TYW1B: variants seen among roughly 807,000 people sequenced by gnomAD.
TYW1B encodes tRNA-yW synthesizing protein 1 homolog B.
Under a neutral mutation model 86.9 loss-of-function variants are expected in TYW1B, and 73 were observed. The ratio of observed to expected loss-of-function variants is 0.84; its 90% CI spans 0.70 to 1.02. TYW1B has a LOEUF of 1.02. TYW1B is among the 50% of genes least tolerant of loss of function. TYW1B has a pLI of 0.00. For missense variants in TYW1B, 637 were observed against 827.4 expected, an observed-to-expected ratio of 0.77 and a Z score of 2.82; for synonymous variants, 248 against 292.8, an observed-to-expected ratio of 0.85 and a Z score of 1.56.
At position 72,679,543 on chromosome 7, in the gene TYW1B, C is replaced by CTAAAA. The variant is rs1461444086; in HGVS notation, c.1506+15143_1506+15144insTTTTA. On this transcript the variant is annotated intron_variant, in intron 11 of 13. Coordinates refer to ENST00000620995, the MANE Select transcript of TYW1B (RefSeq NM_001145440.3). ...TGCAGGGAGGAAGAAATGAGGGAGG[C>CTAAAA]TACTATTTAATGGGTATGAAGTTTC... Among the ~76,000 whole-genome samples the CTAAAA allele has an allele frequency of 9.9e-5, 15 of 152,132 alleles. No homozygotes were observed. In the East Asian group the frequency reaches 2.7e-3, roughly 27 times the overall value.
intron 12 of TYW1B, among the ~76,000 whole-genome samples, chr7:72,622,277 A>T (rs1437452433): frequency 2.0e-5 from 3 of 152,224 alleles, no homozygotes; most frequent in African/African-American, 7.2e-5. Flanking sequence ...AATATTTTAC[A>T]AGACTGGTAA....
chr7:72,633,691 T>C (rs1191255755), intron 11 of TYW1B, among the ~76,000 whole-genome samples: 1 of 152,102 alleles, frequency 6.6e-6, no homozygotes, highest in Admixed American at 6.6e-5. Context: ...GTGTTTGGTG[T>C]CTATCACTCA....
At chr7:72,596,563 T>C (rs1283265338) in intron 13 of TYW1B, among the ~76,000 whole-genome samples, 1 of 152,166 alleles carries the variant, frequency 6.6e-6, no homozygotes, top group Non-Finnish European at 1.5e-5. Context: ...ACAAATGGTG[T>C]TGGAAAAACA....
At chr7:72,771,433 C>T (rs2129571898) in intron 7 of TYW1B, among the ~76,000 whole-genome samples, 1 of 152,250 alleles carries the variant, frequency 6.6e-6, no homozygotes, top group Admixed American at 6.5e-5. Flanking sequence ...CTACATCTAT[C>T]AAAATTTGCT....
chr7:72,750,573 C>G (rs567733673), intron 7 of TYW1B, among the ~76,000 whole-genome samples: 7 of 152,158 alleles, frequency 4.6e-5, no homozygotes, highest in Middle Eastern at 3.4e-3. Context: ...TTGGGGTTCC[C>G]TCAAATTCAT....
chr7:72,614,670 T>C (rs1371962737), intron 13 of TYW1B, among the ~76,000 whole-genome samples: 1 of 151,058 alleles, frequency 6.6e-6, no homozygotes, highest in Non-Finnish European at 1.5e-5. Flanking sequence ...GTCTTGATAG[T>C]ACCTACCTTG....
chr7:72,736,448 C>A (rs1554461035), intron 8 of TYW1B, among the ~76,000 whole-genome samples: 1 of 152,164 alleles, frequency 6.6e-6, no homozygotes, highest in African/African-American at 2.4e-5. Flanking sequence ...TAGCACAGGT[C>A]TTTGAATAAA....
intron 11 of TYW1B, among the ~76,000 whole-genome samples, chr7:72,684,237 C>T (rs1360336648): frequency 6.6e-6 from 1 of 152,046 alleles, no homozygotes; most frequent in Non-Finnish European, 1.5e-5. Flanking sequence ...GAGGCTCCCA[C>T]AACACCAAGT....
intron 13 of TYW1B, among the ~76,000 whole-genome samples, chr7:72,598,930 G>T (rs1811596060): frequency 6.6e-6 from 1 of 152,146 alleles, no homozygotes; most frequent in South Asian, 2.1e-4. Flanking sequence ...CTTGTCCTAG[G>T]TGGGTTCACT....
At chr7:72,584,627 T>C (rs2129567681) in intron 13 of TYW1B, among the ~76,000 whole-genome samples, 2 of 152,208 alleles carry the variant, frequency 1.3e-5, no homozygotes, top group South Asian at 2.1e-4. Flanking sequence ...AGCTAATTCT[T>C]GCATTTTTAG....
chr7:72,617,255 A>T (rs374867263), intron 12 of TYW1B, among the ~76,000 whole-genome samples: 12 of 152,308 alleles, frequency 7.9e-5, no homozygotes, highest in Non-Finnish European at 7.4e-5. Context: ...TCACTGACCA[A>T]GTAATTGATT....
chr7:72,700,303 T>C (rs1814434830), intron 10 of TYW1B, among the ~76,000 whole-genome samples: 1 of 150,734 alleles, frequency 6.6e-6, no homozygotes, highest in Admixed American at 6.7e-5. Context: ...GCCTCCGGAG[T>C]AGCTGGGATT....
At chr7:72,582,354 A>G (rs1481520814) in intron 13 of TYW1B, among the ~76,000 whole-genome samples, 2 of 152,228 alleles carry the variant, frequency 1.3e-5, no homozygotes, top group South Asian at 2.1e-4. Flanking sequence ...GGTCATACAC[A>G]GAGGATTAGG....
chr7:72,779,096 A>T (rs1788004439), intron 6 of TYW1B, among the ~76,000 whole-genome samples: 1 of 151,848 alleles, frequency 6.6e-6, no homozygotes, highest in East Asian at 1.9e-4. Context: ...ATTCACAATA[A>T]CTCATCCAGG....
intron 7 of TYW1B, among the ~76,000 whole-genome samples, chr7:72,770,073 G>GA (rs58212815): frequency 0.069 from 8,316 of 121,018 alleles, 516 homozygotes; most frequent in East Asian, 0.35. Flanking sequence ...ACTCTGTCTC[G>GA]AAAAAAAAAA....
chr7:72,628,393 C>T (rs1195192673), intron 12 of TYW1B, among the ~76,000 whole-genome samples: 3 of 152,138 alleles, frequency 2.0e-5, no homozygotes, highest in East Asian at 3.9e-4. Flanking sequence ...TGGTGGTTTG[C>T]TTTAAAATAA....
chr7:72,681,591 C>CT (rs71069098), intron 11 of TYW1B, among the ~76,000 whole-genome samples: 17,575 of 111,058 alleles, frequency 0.16, 1,784 homozygotes, highest in East Asian at 0.26. Context: ...ATATTTACTT[C>CT]TTTTTTTTTT....
At chr7:72,811,931 A>G (rs1297487919) in intron 3 of TYW1B, among the ~76,000 whole-genome samples, 2 of 149,392 alleles carry the variant, frequency 1.3e-5, no homozygotes, top group Non-Finnish European at 1.5e-5. Flanking sequence ...AAAAAAAAAA[A>G]AAAAGGAAAA....
chr7:72,695,049 G>C (rs1814281579), intron 10 of TYW1B, among the ~76,000 whole-genome samples: 1 of 152,052 alleles, frequency 6.6e-6, no homozygotes, highest in Non-Finnish European at 1.5e-5. Flanking sequence ...TGAAAATATT[G>C]AATTACTTAA....
Sources: allele counts gnomAD v4.1 joint callset (sites outside exome capture counted in the v4.1 genomes callset), GRCh38; gene constraint gnomAD v4.1.1; transcripts MANE v1.5; gene names NCBI Gene and HGNC (gene_info 2026-07-23, HGNC 2026-07-21).